The following ADAM18 variants were observed in gnomAD, a reference collection of about 807,000 sequenced individuals.
ADAM18 encodes disintegrin and metalloproteinase domain-containing protein 18.
In ADAM18, 117 loss-of-function variants were observed where a neutral mutation model predicts 94.4. The ratio of observed to expected loss-of-function variants is 1.24; its 90% CI spans 1.07 to 1.45. The LOEUF (loss-of-function observed/expected upper bound fraction) is 1.45. ADAM18 is among the 40% of genes most tolerant of loss of function. The pLI, the probability that ADAM18 is intolerant of heterozygous loss-of-function variation, is 0.00. For missense variants in ADAM18, 936 were observed against 880.0 expected (o/e 1.06, Z -0.81); for synonymous variants, 327 against 291.6 (o/e 1.12, Z -1.24).
intron 18 of ADAM18, among the ~76,000 whole-genome samples, chr8:39,711,762 G>A (rs976844825): frequency 6.6e-6 from 1 of 151,984 alleles, no homozygotes; most frequent in Non-Finnish European, 1.5e-5. Context: ...CAAGAGACCT[G>A]AAGACCACTA....
intron 16 of ADAM18, among the ~76,000 whole-genome samples, chr8:39,688,563 C>G (rs1821675818): frequency 6.6e-6 from 1 of 152,100 alleles, no homozygotes. Context: ...AAGACATGAC[C>G]TCATTTTTTT....
intron 16 of ADAM18, among the ~76,000 whole-genome samples, chr8:39,682,811 C>G (rs1310991296): frequency 6.6e-6 from 1 of 152,140 alleles, no homozygotes; most frequent in Non-Finnish European, 1.5e-5. Context: ...GGAGCTAACT[C>G]AGATGAAGAA....
Position 39,629,664 on chromosome 8 carries a change from C to G in ADAM18, c.588+225C>G, listed in dbSNP as rs1467749168. On this transcript the variant is annotated intron_variant, in intron 7 of 19. Transcript: ENST00000265707. The stretch of plus-strand genomic sequence containing the variant: ...ACTCACTCCCTTTGTTTTCCTCCCT[C>G]CCTCCCTTCTTTCCTTGCTTCCTTC... Among the ~76,000 whole-genome samples the G allele has an allele frequency of 2.0e-5, 3 of 151,124 alleles. No homozygotes were observed. The South Asian group carries it at 6.3e-4, about 32-fold the overall frequency.
At chr8:39,667,958 G>T (rs1364721001) in intron 13 of ADAM18, 40 bp from the exon 14 acceptor site, 14 of 1,573,972 alleles carry the variant, frequency 8.9e-6, no homozygotes, top group South Asian at 3.3e-5. Context: ...TGAGAAAAAT[G>T]ATTTACAGAA....
At chr8:39,662,709 C>A (rs1820873139) in intron 12 of ADAM18, among the ~76,000 whole-genome samples, 1 of 152,204 alleles carries the variant, frequency 6.6e-6, no homozygotes, top group South Asian at 2.1e-4. Context: ...ACTGCAACCT[C>A]TGCCTCCCAG....
chr8:39,673,401 G>A (rs902605439), intron 14 of ADAM18, among the ~76,000 whole-genome samples: 2 of 152,082 alleles, frequency 1.3e-5, no homozygotes, highest in African/African-American at 2.4e-5. Flanking sequence ...CATGTGCCAT[G>A]TTGGTTTGCT....
Position 39,632,757 on chromosome 8 carries a change from T to A in ADAM18, c.588+3318T>A, listed in dbSNP as rs1008495109. On this transcript the variant is annotated intron_variant, in intron 7 of 19. Coordinates refer to ENST00000265707, the MANE Select transcript of ADAM18 (RefSeq NM_014237.3). ...CCCCTTCCACATATAGTTGGAAGAA[T>A]TTACTCTGAAACCCTGTAGACCTTA... Among the ~76,000 whole-genome samples, 3 of 152,158 alleles carry A rather than the reference T, an allele frequency of 2.0e-5. No individual in the cohort carries two copies. The South Asian group carries it at 6.2e-4, about 31-fold the overall frequency.
At chr8:39,677,594 A>C in intron 15 of ADAM18, 58 bp downstream of exon 15, 1 of 1,270,242 alleles carries the variant, frequency 7.9e-7, no homozygotes, top group Non-Finnish European at 1.1e-6. Flanking sequence ...ATTTTTATCA[A>C]GAGACACTAA....
chr8:39,697,091 T>C (rs1319679251), intron 17 of ADAM18, among the ~76,000 whole-genome samples: 1 of 151,634 alleles, frequency 6.6e-6, no homozygotes, highest in African/African-American at 2.4e-5. Context: ...GTTTTAAGTT[T>C]GTTCTTAAGT....
In ADAM18 at chr8:39,626,939, A is replaced by G. The variant is rs894497886; in HGVS notation, c.523-2435A>G. On this transcript the variant is annotated intron_variant, in intron 6 of 19. Coordinates refer to ENST00000265707, the MANE Select transcript of ADAM18 (RefSeq NM_014237.3). The stretch of plus-strand genomic sequence containing the variant: ...TGTTCTAGAGTATGGTTTAAGTCCT[A>G]TGTTTCTTTGTTGACTTTCTGCCTT... Among the ~76,000 whole-genome samples the G allele has an allele frequency of 4.6e-5, 7 of 152,166 alleles. 1 individual carries two copies. The South Asian group carries it at 1.5e-3, about 32-fold the overall frequency.
chr8:39,682,986 A>T (rs1439326696), intron 16 of ADAM18, among the ~76,000 whole-genome samples: 3 of 152,190 alleles, frequency 2.0e-5, no homozygotes, highest in Non-Finnish European at 4.4e-5. Flanking sequence ...TCCCTTTATA[A>T]TACACATTCC....
intron 16 of ADAM18, among the ~76,000 whole-genome samples, chr8:39,680,694 G>A (rs1252402130): frequency 6.6e-6 from 1 of 152,126 alleles, no homozygotes; most frequent in African/African-American, 2.4e-5. Context: ...ATACATGCAT[G>A]AATATATATG....
intron 16 of ADAM18, among the ~76,000 whole-genome samples, chr8:39,688,733 G>T (rs1309623909): frequency 6.6e-6 from 1 of 152,118 alleles, no homozygotes; most frequent in Non-Finnish European, 1.5e-5. Flanking sequence ...ATTCCTTTGG[G>T]TATATAACCA....
chr8:39,689,288 A>G (rs1331667435), intron 16 of ADAM18, among the ~76,000 whole-genome samples: 1 of 152,142 alleles, frequency 6.6e-6, no homozygotes, highest in Admixed American at 6.5e-5. Context: ...GCCTGCGCCT[A>G]TGTCTTAAAT....
intron 2 of ADAM18, among the ~76,000 whole-genome samples, chr8:39,600,796 A>G (rs1273231814): frequency 2.6e-5 from 4 of 152,218 alleles, no homozygotes; most frequent in African/African-American, 4.8e-5. Context: ...TGGAAGGGGT[A>G]TAAACATGAC....
chr8:39,717,028 T>G (rs1401404963), intron 18 of ADAM18, among the ~76,000 whole-genome samples: 7 of 151,902 alleles, frequency 4.6e-5, no homozygotes, highest in Non-Finnish European at 1.0e-4. Context: ...TTGCATGGAA[T>G]ATTTTTATTT....
At chr8:39,668,515 C>T (rs188964971) in intron 14 of ADAM18, among the ~76,000 whole-genome samples, 2 of 152,238 alleles carry the variant, frequency 1.3e-5, no homozygotes, top group Non-Finnish European at 2.9e-5. Context: ...TTACTACCCA[C>T]ATTCATGATT....
intron 14 of ADAM18, among the ~76,000 whole-genome samples, chr8:39,668,679 G>C (rs1821062692): frequency 6.6e-6 from 1 of 152,182 alleles, no homozygotes; most frequent in South Asian, 2.1e-4. Flanking sequence ...ACAGCTTTGA[G>C]AGTAATTTTA....
chr8:39,606,447 A>C, intron 3 of ADAM18, 85 bp downstream of exon 3: 2 of 811,444 alleles, frequency 2.5e-6, no homozygotes, highest in Non-Finnish European at 3.9e-6. Context: ...TGCAGTATTT[A>C]AATTCAGGAA....
Sources: gnomAD v4.1 joint callset for allele counts (sites outside exome capture counted in the v4.1 genomes callset) on GRCh38, gnomAD v4.1.1 for gene constraint, MANE v1.5 for transcripts, NCBI Gene and HGNC (gene_info 2026-07-23, HGNC 2026-07-21) for gene names.